SAMD13: variants seen among roughly 807,000 people sequenced by gnomAD.
SAMD13 encodes sterile alpha motif domain-containing protein 13.
A neutral mutation model predicts 12.4 loss-of-function variants in SAMD13; 9 were observed. The ratio of observed to expected loss-of-function variants is 0.72; its 90% confidence interval spans 0.44 to 1.26. SAMD13 has a LOEUF of 1.26. Among genes scored for constraint, SAMD13 ranks in the 50% most tolerant of loss-of-function variants. SAMD13 has a pLI of 0.00. For missense variants in SAMD13, 84 were observed against 119.6 expected, an observed-to-expected ratio of 0.70 and a Z score of 1.39; for synonymous variants, 46 against 45.4, an observed-to-expected ratio of 1.01 and a Z score of -0.05.
At chr1:84,334,253 G>T (rs1679251261) in intron 3 of SAMD13, among the ~76,000 whole-genome samples, 1 of 151,932 alleles carries the variant, frequency 6.6e-6, no homozygotes, top group Non-Finnish European at 1.5e-5. Context: ...TTTGTTTAGG[G>T]CTTCAGTTTC....
intron 3 of SAMD13, among the ~76,000 whole-genome samples, chr1:84,341,979 T>G (rs1434070882): frequency 6.6e-6 from 1 of 152,228 alleles, no homozygotes; most frequent in African/African-American, 2.4e-5. Context: ...TCTGCTTCAC[T>G]GTCATTCAAA....
chr1:84,321,092 T>C (rs775475431), intron 2 of SAMD13, among the ~76,000 whole-genome samples: 5 of 152,170 alleles, frequency 3.3e-5, no homozygotes, highest in African/African-American at 7.2e-5. Flanking sequence ...AAAGGCTCAA[T>C]TGATCTGCTT....
chr1:84,311,361 GA>G (rs1678708869), intron 2 of SAMD13, among the ~76,000 whole-genome samples: 1 of 145,974 alleles, frequency 6.9e-6, no homozygotes, highest in South Asian at 2.2e-4. Flanking sequence ...GAAAAGAAAA[GA>G]AAAGAAAAAG....
chr1:84,305,440 G>T (rs558609857), intron 2 of SAMD13, among the ~76,000 whole-genome samples: 103 of 152,048 alleles, frequency 6.8e-4, no homozygotes, highest in African/African-American at 2.2e-3. Flanking sequence ...TTCTTTAAGT[G>T]TGTGACCTAT....
In SAMD13 at chr1:84,331,354, A is replaced by AAAAAAAAAAAAAAATAC. The variant is rs553761794; in HGVS notation, c.165+5610_165+5611insAAAAAAAAAATACAAAA. On this transcript the variant is annotated intron_variant, in intron 3 of 3. Transcript: ENST00000394834. ...AAAAAAAAAAAAAAAAAAAAAAAAA[A>AAAAAAAAAAAAAAATAC]AAAATTATGGATACAAACTTGTTAA... Among the ~76,000 whole-genome samples, 80 of 82,456 alleles carry AAAAAAAAAAAAAAATAC rather than the reference A, an allele frequency of 9.7e-4. 19 individuals carry two copies. Among genetic ancestry groups the AAAAAAAAAAAAAAATAC allele is most frequent in the Non-Finnish European group, 1.1e-3 (46 of 42,548 alleles). 54.1% of individuals were successfully genotyped at this position (82,456 alleles called of 152,430 possible). A position where few individuals can be genotyped will look rare whatever the true frequency, so the allele number is the denominator to read the frequency against.
intron 3 of SAMD13, among the ~76,000 whole-genome samples, chr1:84,346,511 A>G (rs994962404): frequency 2.0e-5 from 3 of 152,206 alleles, no homozygotes; most frequent in African/African-American, 7.2e-5. Context: ...GGACTTCATC[A>G]TGATGTACAT....
At chr1:84,306,634 C>T (rs150809915) in intron 2 of SAMD13, among the ~76,000 whole-genome samples, 652 of 47,672 alleles carry the variant, frequency 0.014, 8 homozygotes, top group African/African-American at 0.042. Flanking sequence ...CCCATCTCTA[C>T]TAAAAATACC....
intron 3 of SAMD13, among the ~76,000 whole-genome samples, chr1:84,326,326 C>A (rs922356890): frequency 6.6e-6 from 1 of 152,146 alleles, no homozygotes; most frequent in Non-Finnish European, 1.5e-5. Flanking sequence ...CTGTCAATAA[C>A]TTTATAGGGA....
chr1:84,331,829 C>T (rs1679193136), intron 3 of SAMD13, among the ~76,000 whole-genome samples: 1 of 152,066 alleles, frequency 6.6e-6, no homozygotes. Flanking sequence ...CAGATTATTT[C>T]ATCACCCAAG....
At chr1:84,348,249 G>A (rs1386426306) in intron 3 of SAMD13, among the ~76,000 whole-genome samples, 1 of 152,204 alleles carries the variant, frequency 6.6e-6, no homozygotes, top group Non-Finnish European at 1.5e-5. Context: ...AGGTCACAAA[G>A]TGGGTGTTTC....
chr1:84,334,135 CTCT>C (rs1679248508), intron 3 of SAMD13, among the ~76,000 whole-genome samples: 1 of 152,086 alleles, frequency 6.6e-6, no homozygotes. Context: ...ATGGTACCAG[CTCT>C]TCTTTATAAA....
chr1:84,341,162 T>G (rs975118131), intron 3 of SAMD13, among the ~76,000 whole-genome samples: 1 of 152,212 alleles, frequency 6.6e-6, no homozygotes, highest in African/African-American at 2.4e-5. Flanking sequence ...GCATGCAGGT[T>G]GGTCATATCT....
At chr1:84,344,727 C>T in intron 3 of SAMD13, 2 of 363,680 alleles carry the variant, frequency 5.5e-6, no homozygotes, top group Non-Finnish European at 5.4e-6. Flanking sequence ...GCTTCCTCCC[C>T]TGATATTAAG....
intron 3 of SAMD13, among the ~76,000 whole-genome samples, chr1:84,344,265 T>C (rs1423568217): frequency 6.6e-6 from 1 of 152,138 alleles, no homozygotes; most frequent in African/African-American, 2.4e-5. Flanking sequence ...ACAAATGAAA[T>C]ACTTTTGAGC....
At chr1:84,346,997 T>C (rs930665955) in intron 3 of SAMD13, among the ~76,000 whole-genome samples, 16 of 152,344 alleles carry the variant, frequency 1.1e-4, no homozygotes, top group Middle Eastern at 3.4e-3. Flanking sequence ...ACCTCCTACA[T>C]GTCAGGCACT....
chr1:84,328,512 G>A (rs71652672), intron 3 of SAMD13, among the ~76,000 whole-genome samples: 1,578 of 152,190 alleles, frequency 0.01, 23 homozygotes, highest in Non-Finnish European at 0.018. Flanking sequence ...TTCAAATATC[G>A]TTTCTCCTTT....
chr1:84,339,711 G>A (rs1020804567), intron 3 of SAMD13, among the ~76,000 whole-genome samples: 60 of 152,172 alleles, frequency 3.9e-4, no homozygotes, highest in African/African-American at 1.4e-3. Context: ...ATCAGCTGGG[G>A]AGGAACTTTC....
chr1:84,333,992 A>G (rs1440387274), intron 3 of SAMD13, among the ~76,000 whole-genome samples: 1 of 152,118 alleles, frequency 6.6e-6, no homozygotes, highest in Non-Finnish European at 1.5e-5. Flanking sequence ...AATGTTCATC[A>G]AGGATATTGG....
rs1285328376 is a variant in SAMD13, at chr1:84,304,744, A to G, written c.53+1457A>G. On this transcript the variant is annotated intron_variant, in intron 2 of 3. Transcript: ENST00000394834. ...GTTTGCTTCTTCTAGAATTTTATAT[A>G]AATGAATGTGTATACATCCCCCGCC... Among the ~76,000 whole-genome samples the G allele has an allele frequency of 4.6e-5, 7 of 152,114 alleles. No individual in the cohort carries two copies. In the South Asian group the frequency reaches 1.5e-3, roughly 32 times the overall value.
Sources: allele counts gnomAD v4.1 joint callset (sites outside exome capture counted in the v4.1 genomes callset), GRCh38; gene constraint gnomAD v4.1.1; transcripts MANE v1.5; gene names NCBI Gene and HGNC (gene_info 2026-07-23, HGNC 2026-07-21).